EID2B: variants seen among roughly 807,000 people sequenced by gnomAD.
EID2B encodes EP300-interacting inhibitor of differentiation 2B.
A neutral mutation model predicts 5.9 loss-of-function variants in EID2B; 6 were observed. The ratio of observed to expected loss-of-function variants is 1.01; its 90% CI spans 0.55 to 2.00. The LOEUF (loss-of-function observed/expected upper bound fraction) is 2.00, where lower values mean the gene tolerates loss of function less well. Among genes scored for constraint, EID2B ranks in the 30% most tolerant of loss-of-function variants. The pLI is 0.00. For synonymous variants in EID2B, 94 were observed against 104.2 expected, an observed-to-expected ratio of 0.90 and a Z score of 0.60; for missense variants, 234 against 228.1, an observed-to-expected ratio of 1.03 and a Z score of -0.17.
Position 39,532,850 on chromosome 19 carries a change from T to C in EID2B, c.-48A>G, listed in dbSNP as rs761641619. ...CTGGAATAACGGCACTGCACTGCTG[T>C]ATGCGAGACCTGCGCATGCGCGAGT... On this transcript the variant is annotated 5_prime_UTR_variant, in exon 1 of 1. The change creates a new upstream start codon in the 5' untranslated region. Transcript: ENST00000326282. 13 of 1,594,318 alleles carry C rather than the reference T, an allele frequency of 8.2e-6. No individual in the cohort carries two copies. In the East Asian group the frequency reaches 2.0e-4, roughly 25 times the overall value.
In EID2B at chr19:39,531,474, A is replaced by G. The variant is rs1971961782; in HGVS notation, c.*843T>C. 1 of 152,208 alleles carries G rather than the reference A, an allele frequency of 6.6e-6. No homozygotes were observed. Among genetic ancestry groups the G allele is most frequent in the East Asian group, 1.9e-4 (1 of 5,202 alleles). The allele number at this position is 152,208 out of a possible 1,614,324, so 9.4% of individuals were successfully genotyped here. On this transcript the variant is annotated 3_prime_UTR_variant, in exon 1 of 1. Transcript: ENST00000326282. ...AGGCGTAAGCCAGTGCGCCCGGCCG[A>G]TACTTTTTTTTGTTGAGTCTTGTGA... is the stretch of plus-strand genomic sequence containing the variant.
chr19:39,532,716 G>A lies in EID2B; in HGVS notation c.87C>T (p.Ser29=). Residue 29 remains serine (S), a synonymous_variant, in exon 1 of 1, where the codon AGC becomes AGT. Coordinates refer to ENST00000326282, the MANE Select transcript of EID2B (RefSeq NM_152361.3). Reference sequence around the variant, plus strand: ...CGCCGACTGCCCCCCGCAGTACGTCGCTGACGCCACTCGCGGTGCCCACCT... The same window carrying A: ...CGCCGACTGCCCCCCGCAGTACGTCACTGACGCCACTCGCGGTGCCCACCT... ...VPQVGTASGV[S]DVLRGAVGGG... is the part of the protein sequence containing the mutation. The A allele has an allele frequency of 6.2e-7, 1 of 1,610,100 alleles. No individual in the cohort carries two copies. The highest frequency in any genetic ancestry group is 8.5e-7 in the Non-Finnish European group (1 of 1,178,982).
rs1971963139 is a variant in EID2B at position 39,531,602 on chromosome 19, T to C, written c.*715A>G. ...CACATAGACTTGAAAACACTGATCA[T>C]ATAATACGTGGTTTTTTCTATTGAA... On this transcript the variant is annotated 3_prime_UTR_variant, in exon 1 of 1. Coordinates refer to ENST00000326282, the MANE Select transcript of EID2B (RefSeq NM_152361.3). The C allele has an allele frequency of 6.6e-6, 1 of 152,240 alleles. No homozygotes were observed. The highest frequency in any genetic ancestry group is 2.4e-5 in the African/African-American group (1 of 41,470). 9.4% of individuals were successfully genotyped at this position (152,240 alleles called of 1,614,324 possible). A position where few individuals can be genotyped will look rare whatever the true frequency, so the allele number is the denominator to read the frequency against.
chr19:39,531,956 G>A lies in EID2B; in HGVS notation c.*361C>T, dbSNP rs949079724. On this transcript the variant is annotated 3_prime_UTR_variant, in exon 1 of 1. Coordinates refer to ENST00000326282, the MANE Select transcript of EID2B (RefSeq NM_152361.3). ...CTAAGTCAGAAGTGTCTTGGGACCT[G>A]TTTGAAAACAAGATTCGGCCGGGCG... 1.9e-5 allele frequency: 4 copies of A among 207,086 alleles called. No homozygotes were observed. Among genetic ancestry groups the A allele is most frequent in the African/African-American group, 9.3e-5 (4 of 42,828 alleles). The allele number at this position is 207,086 out of a possible 1,614,324, so 12.8% of individuals were successfully genotyped here. A position where few individuals can be genotyped will look rare whatever the true frequency, so the allele number is the denominator to read the frequency against.
Position 39,532,776 on chromosome 19 carries a change from C to T in EID2B, c.27G>A (p.Glu9=), listed in dbSNP as rs758526911. The T allele has an allele frequency of 3.1e-6, 5 of 1,611,376 alleles. No individual in the cohort carries two copies. In the African/African-American group the frequency reaches 4.0e-5, roughly 13 times the overall value. MAEPTGLL[E]MSELPGDSSV... is the part of the protein sequence containing the mutation. ...TGCTATCTCCGGGGAGCTCGGACAT[C>T]TCCAACAGCCCAGTCGGCTCCGCCA... Residue 9 remains glutamate, a synonymous_variant, in exon 1 of 1, where the codon GAG becomes GAA. Coordinates refer to ENST00000326282, the MANE Select transcript of EID2B (RefSeq NM_152361.3).
Position 39,532,634 on chromosome 19 carries a change from T to C in EID2B, c.169A>G (p.Met57Val), listed in dbSNP as rs767353677. 1.9e-6 allele frequency: 3 copies of C among 1,608,644 alleles called. No homozygotes were observed. The highest frequency in any genetic ancestry group is 2.2e-5 in the East Asian group (1 of 44,734). Residue 57 changes from methionine (M) to valine (V), a missense_variant, in exon 1 of 1, where the codon ATG becomes GTG. Physicochemically the swap from Met to Val is conservative, Grantham distance 21. Transcript: ENST00000326282. Reference sequence around the variant, plus strand: ...GGCACAGGGCCCGGCATCCGCGCCATGGACCGCGCAGCTTCGGCCACTGGG... The same window carrying C: ...GGCACAGGGCCCGGCATCCGCGCCACGGACCGCGCAGCTTCGGCCACTGGG... ...EGPVAEAARS[M>V]ARMPGPVPGP...
Position 39,532,343 on chromosome 19 carries a change from C to G in EID2B, c.460G>C (p.Glu154Gln). Residue 154 changes from glutamate to glutamine, a missense_variant, in exon 1 of 1, where the codon GAG becomes CAG. Physicochemically the swap from Glu to Gln is conservative, Grantham distance 29 (BLOSUM62 2). Coordinates refer to ENST00000326282, the MANE Select transcript of EID2B (RefSeq NM_152361.3). ...CAGTCGGCCAGAGGACTGAGGGCCT[C>G]GGAGGCAGTCAGCGCTACCGTAAAC... is the stretch of plus-strand genomic sequence containing the variant. The part of the protein sequence containing the change: ...VAFTVALTAS[E>Q]ALSPLAD 2 of 1,613,884 alleles carry G rather than the reference C, an allele frequency of 1.2e-6. No homozygotes were observed. Among genetic ancestry groups the G allele is most frequent in the Non-Finnish European group, 1.7e-6 (2 of 1,179,818 alleles).
chr19:39,532,181 A>T lies in EID2B; in HGVS notation c.*136T>A. On this transcript the variant is annotated 3_prime_UTR_variant, in exon 1 of 1. Transcript: ENST00000326282. ...GGAGTGTGCTTCCTCCTTCAATTGC[A>T]CATTGCCGTATTCCCTTCCAGTTTG... 2 of 1,013,182 alleles carry T rather than the reference A, an allele frequency of 2.0e-6. No individual in the cohort carries two copies. The highest frequency in any genetic ancestry group is 2.9e-6 in the Non-Finnish European group (2 of 699,666). The allele number at this position is 1,013,182 out of a possible 1,614,324, so 62.8% of individuals were successfully genotyped here.
In EID2B at chr19:39,532,633, A is replaced by G; in HGVS notation, c.170T>C (p.Met57Thr). Residue 57 changes from methionine (M) to threonine (T), a missense_variant, in exon 1 of 1, where the codon ATG (methionine) becomes ACG (threonine). Physicochemically the swap from Met to Thr is moderately conservative, Grantham distance 81. Transcript: ENST00000326282. ...GGGCACAGGGCCCGGCATCCGCGCCATGGACCGCGCAGCTTCGGCCACTGG... is the reference window on the plus strand; with the variant it reads ...GGGCACAGGGCCCGGCATCCGCGCCGTGGACCGCGCAGCTTCGGCCACTGG... ...EGPVAEAARS[M>T]ARMPGPVPGP... The G allele has an allele frequency of 6.2e-7, 1 of 1,608,716 alleles. No homozygotes were observed.
rs769033614 is a variant in EID2B, at chr19:39,532,610, G to A, written c.193C>T (p.Pro65Ser). ...RSMARMPGPV[P>S]GPIPSSVPGL... ...GGGACGCTGCTGGGGATGGGCCCGG[G>A]CACAGGGCCCGGCATCCGCGCCATG... Residue 65 changes from proline to serine, a missense_variant, in exon 1 of 1, where the codon CCC becomes TCC. Transcript: ENST00000326282. The A allele has an allele frequency of 3.1e-6, 5 of 1,610,752 alleles. No individual in the cohort carries two copies. Among genetic ancestry groups the A allele is most frequent in the East Asian group, 4.5e-5 (2 of 44,806 alleles).
Position 39,531,584 on chromosome 19 carries a change from A to G in EID2B, c.*733T>C, listed in dbSNP as rs996423559. On this transcript the variant is annotated 3_prime_UTR_variant, in exon 1 of 1. Coordinates refer to ENST00000326282, the MANE Select transcript of EID2B (RefSeq NM_152361.3). Reference sequence around the variant, plus strand: ...TCCACACCTACCCAATTTCACATAGACTTGAAAACACTGATCATATAATAC... The same window carrying G: ...TCCACACCTACCCAATTTCACATAGGCTTGAAAACACTGATCATATAATAC... The G allele has an allele frequency of 1.3e-5, 2 of 152,244 alleles. No homozygotes were observed. The highest frequency in any genetic ancestry group is 6.5e-5 in the Admixed American group (1 of 15,288). 9.4% of individuals were successfully genotyped at this position (152,244 alleles called of 1,614,324 possible).
rs1173706912 is a variant in EID2B at position 39,532,705 on chromosome 19, C to G, written c.98G>C (p.Arg33Pro). Reference sequence around the variant, plus strand: ...CCGAACCCCGCCGCCGACTGCCCCCCGCAGTACGTCGCTGACGCCACTCGC... The same window carrying G: ...CCGAACCCCGCCGCCGACTGCCCCCGGCAGTACGTCGCTGACGCCACTCGC... ...GTASGVSDVL[R>P]GAVGGGVRVQ... Residue 33 changes from arginine (R) to proline (P), a missense_variant, in exon 1 of 1, where the codon CGG (arginine) becomes CCG (proline). Physicochemically the swap from Arg to Pro is moderately radical, Grantham distance 103. Coordinates refer to ENST00000326282, the MANE Select transcript of EID2B (RefSeq NM_152361.3). The G allele has an allele frequency of 6.2e-7, 1 of 1,608,968 alleles. No homozygotes were observed. The highest frequency in any genetic ancestry group is 1.7e-5 in the Admixed American group (1 of 59,578).
rs1174814162 is a variant in EID2B, at chr19:39,532,681, C to T, written c.122G>A (p.Arg41Gln). 6.2e-7 allele frequency: 1 copy of T among 1,606,772 alleles called. No individual in the cohort carries two copies. The highest frequency in any genetic ancestry group is 8.5e-7 in the Non-Finnish European group (1 of 1,177,306). The change falls in exon 1 of 1, where the codon CGG becomes CAG. Residue 41 changes from arginine (R) to glutamine (Q), a missense_variant. Coordinates refer to ENST00000326282, the MANE Select transcript of EID2B (RefSeq NM_152361.3). ...TGGGCCTTCCCGAGCCTCCTGCACC[C>T]GAACCCCGCCGCCGACTGCCCCCCG... ...VLRGAVGGGV[R>Q]VQEAREGPVA...
rs1971967937 is a variant in EID2B at position 39,532,022 on chromosome 19, G to A, written c.*295C>T. ...GTAAAGTAATCCCAGCACTTTGGGAGGCCGAAGCGGGAGGATCGCTCGGGT... is the reference window on the plus strand; with the variant it reads ...GTAAAGTAATCCCAGCACTTTGGGAAGCCGAAGCGGGAGGATCGCTCGGGT... On this transcript the variant is annotated 3_prime_UTR_variant, in exon 1 of 1. Transcript: ENST00000326282. 12 of 342,412 alleles carry A rather than the reference G, an allele frequency of 3.5e-5. No individual in the cohort carries two copies. Among genetic ancestry groups the A allele is most frequent in the South Asian group, 1.3e-4 (3 of 23,554 alleles). 21.2% of individuals were successfully genotyped at this position (342,412 alleles called of 1,614,324 possible).
chr19:39,532,558 T>C lies in EID2B; in HGVS notation c.245A>G (p.His82Arg). ...VPGLASAPDPHQQLAFLEINR... is the reference protein window; with the variant it reads ...VPGLASAPDPRQQLAFLEINR... Reference sequence around the variant, plus strand: ...AATTTCTAAGAAAGCGAGCTGCTGATGGGGGTCTGGCGCGGAGGCCAGGCC... The same window carrying C: ...AATTTCTAAGAAAGCGAGCTGCTGACGGGGGTCTGGCGCGGAGGCCAGGCC... The change falls in exon 1 of 1, where the codon CAT becomes CGT. Residue 82 changes from histidine to arginine, a missense_variant. By Grantham distance (29) the His-to-Arg change is conservative (BLOSUM62 0). Coordinates refer to ENST00000326282, the MANE Select transcript of EID2B (RefSeq NM_152361.3). 1 of 1,613,782 alleles carries C rather than the reference T, an allele frequency of 6.2e-7. No individual in the cohort carries two copies. Among genetic ancestry groups the C allele is most frequent in the Non-Finnish European group, 8.5e-7 (1 of 1,179,974 alleles).
At position 39,532,844 on chromosome 19, in the gene EID2B, C is replaced by G. The variant is rs970631718; in HGVS notation, c.-42G>C. 5 of 1,598,038 alleles carry G rather than the reference C, an allele frequency of 3.1e-6. No homozygotes were observed. The African/African-American group carries it at 4.0e-5, about 13-fold the overall frequency. ...CGGAGACTGGAATAACGGCACTGCACTGCTGTATGCGAGACCTGCGCATGC... is the reference window on the plus strand; with the variant it reads ...CGGAGACTGGAATAACGGCACTGCAGTGCTGTATGCGAGACCTGCGCATGC... On this transcript the variant is annotated 5_prime_UTR_variant, in exon 1 of 1. Transcript: ENST00000326282.
rs1468591410 is a variant in EID2B, at chr19:39,532,474, A to T, written c.329T>A (p.Leu110Ter). Residue 110 changes from leucine to a stop codon, truncating the protein, a stop_gained, in exon 1 of 1, where the codon TTA (leucine) becomes TAA (stop). Coordinates refer to ENST00000326282, the MANE Select transcript of EID2B (RefSeq NM_152361.3). LOFTEE classifies it high-confidence loss of function. Reference protein sequence around the residue: ...LDGSSMIPVRLLRDFEERRRL... With the variant: ...LDGSSMIPVR ...GCGGCGTTCCTCGAAATCCCGTAGT[A>T]ATCTGACCGGAATCATGGAGCTACC... The T allele has an allele frequency of 6.2e-7, 1 of 1,614,082 alleles. No homozygotes were observed. The highest frequency in any genetic ancestry group is 8.5e-7 in the Non-Finnish European group (1 of 1,180,054).
At position 39,532,199 on chromosome 19, in the gene EID2B, C is replaced by A. The variant is rs932158130; in HGVS notation, c.*118G>T. 5 of 1,273,134 alleles carry A rather than the reference C, an allele frequency of 3.9e-6. No homozygotes were observed. The highest frequency in any genetic ancestry group is 5.4e-6 in the Non-Finnish European group (5 of 927,538). The allele number at this position is 1,273,134 out of a possible 1,614,324, so 78.9% of individuals were successfully genotyped here. Reference sequence around the variant, plus strand: ...CAATTGCACATTGCCGTATTCCCTTCCAGTTTGCATTCCCCCTAATGACTG... The same window carrying A: ...CAATTGCACATTGCCGTATTCCCTTACAGTTTGCATTCCCCCTAATGACTG... On this transcript the variant is annotated 3_prime_UTR_variant, in exon 1 of 1. Coordinates refer to ENST00000326282, the MANE Select transcript of EID2B (RefSeq NM_152361.3).
At position 39,532,722 on chromosome 19, in the gene EID2B, G is replaced by A; in HGVS notation, c.81C>T (p.Gly27=). ...SSVPQVGTAS[G]VSDVLRGAVG... is the part of the protein sequence containing the mutation. ...CTGCCCCCCGCAGTACGTCGCTGAC[G>A]CCACTCGCGGTGCCCACCTGTGGGA... The change falls in exon 1 of 1, where the codon GGC becomes GGT. Residue 27 remains glycine (G), a synonymous_variant. Coordinates refer to ENST00000326282, the MANE Select transcript of EID2B (RefSeq NM_152361.3). 6.2e-7 allele frequency: 1 copy of A among 1,610,618 alleles called. No homozygotes were observed. The highest frequency in any genetic ancestry group is 8.5e-7 in the Non-Finnish European group (1 of 1,179,272).
Sources: allele counts gnomAD v4.1 joint callset, GRCh38; gene constraint gnomAD v4.1.1; transcripts MANE v1.5; gene names NCBI Gene and HGNC (gene_info 2026-07-23, HGNC 2026-07-21).